The following GTF2IRD1 variants were observed in gnomAD, a reference collection of about 807,000 sequenced individuals.
GTF2IRD1 encodes the protein general transcription factor II-I repeat domain-containing protein 1.
Under a neutral mutation model 113.2 loss-of-function variants are expected in GTF2IRD1, and 26 were observed. The observed-to-expected ratio is 0.23, with a 90% CI of 0.17 to 0.32. The LOEUF (loss-of-function observed/expected upper bound fraction) is 0.32. GTF2IRD1 is among the 10% of genes least tolerant of loss of function. GTF2IRD1 has a pLI of 1.00. For missense variants in GTF2IRD1, 864 were observed against 1,280.8 expected (o/e 0.67, Z 4.97); for synonymous variants, 484 against 529.1 (o/e 0.91, Z 1.17).
intron 22 of GTF2IRD1, among the ~76,000 whole-genome samples, chr7:74,583,262 T>C (rs1801523491): frequency 6.6e-6 from 1 of 151,852 alleles, no homozygotes; most frequent in Non-Finnish European, 1.5e-5. Context: ...AATCATGGCT[T>C]ACTGCAACAT....
intron 4 of GTF2IRD1, among the ~76,000 whole-genome samples, chr7:74,517,284 C>G (rs1796991492): frequency 6.6e-6 from 1 of 150,754 alleles, no homozygotes; most frequent in African/African-American, 2.5e-5. Context: ...TCGGTAATCC[C>G]AAAGTGCTGG....
chr7:74,579,634 A>C (rs1554365589), intron 22 of GTF2IRD1, among the ~76,000 whole-genome samples: 1 of 151,934 alleles, frequency 6.6e-6, no homozygotes, highest in Non-Finnish European at 1.5e-5. Context: ...AAAAAAAAAA[A>C]AACTACAGTT....
intron 1 of GTF2IRD1, among the ~76,000 whole-genome samples, chr7:74,498,074 T>A (rs1429528105): frequency 4.6e-5 from 7 of 152,154 alleles, no homozygotes; most frequent in Non-Finnish European, 8.8e-5. Flanking sequence ...TTGCTAATCT[T>A]TAGTGATGTT....
intron 1 of GTF2IRD1, among the ~76,000 whole-genome samples, chr7:74,480,242 G>T (rs1794655475): frequency 6.6e-6 from 1 of 152,030 alleles, no homozygotes; most frequent in African/African-American, 2.4e-5. Flanking sequence ...TGGGCCCTGT[G>T]CGGTGTGGGA....
In GTF2IRD1 at chr7:74,601,132, G is replaced by A. The variant is rs782539085; in HGVS notation, c.2718G>A (p.Ser906=). The part of the protein sequence containing the change: ...VSSSSSSSSS[S]SSNPDSVASA... ...CTTCCTCCTCGTCTTCCTCTTCCTC[G>A]TCCTCTAACCCGGATTCAGTGGCAT... Residue 906 remains serine (S), a synonymous_variant, in exon 26 of 27, where the codon TCG becomes TCA. Coordinates refer to ENST00000424337, the MANE Select transcript of GTF2IRD1 (RefSeq NM_005685.4). The A allele has an allele frequency of 2.0e-5, 32 of 1,611,752 alleles. No individual in the cohort carries two copies. The highest frequency in any genetic ancestry group is 8.8e-5 in the South Asian group (8 of 90,762).
intron 1 of GTF2IRD1, among the ~76,000 whole-genome samples, chr7:74,479,172 C>T (rs1163893008): frequency 6.6e-6 from 1 of 152,198 alleles, no homozygotes; most frequent in Non-Finnish European, 1.5e-5. Flanking sequence ...ACAGTTCCTC[C>T]GCCGTAGCTT....
chr7:74,594,524 A>C (rs1423126513), intron 24 of GTF2IRD1, among the ~76,000 whole-genome samples: 1 of 152,210 alleles, frequency 6.6e-6, no homozygotes, highest in Non-Finnish European at 1.5e-5. Context: ...GCACAGGCCC[A>C]TCATCCAGGG....
chr7:74,531,993 T>A (rs1229170885), intron 9 of GTF2IRD1, among the ~76,000 whole-genome samples: 1 of 152,174 alleles, frequency 6.6e-6, no homozygotes, highest in Non-Finnish European at 1.5e-5. Context: ...ATATTGGTTC[T>A]AGCTAAGCCA....
intron 25 of GTF2IRD1, among the ~76,000 whole-genome samples, chr7:74,597,254 G>A (rs1802472780): frequency 6.6e-6 from 1 of 151,874 alleles, no homozygotes; most frequent in East Asian, 1.9e-4. Flanking sequence ...ATATTGGCCA[G>A]GCTGGTCTCG....
At chr7:74,515,314 T>C (rs1554344308) in intron 3 of GTF2IRD1, 127 bp from the exon 4 acceptor site, 1 of 1,518,882 alleles carries the variant, frequency 6.6e-7, no homozygotes. Context: ...CTTCATTCAT[T>C]CATTCACTTG....
intron 3 of GTF2IRD1, among the ~76,000 whole-genome samples, chr7:74,514,448 A>G (rs1796807760): frequency 6.6e-6 from 1 of 152,176 alleles, no homozygotes; most frequent in South Asian, 2.1e-4. Flanking sequence ...TTCTAGAGCC[A>G]CGCAGAGCCG....
At chr7:74,554,441 G>A (rs587678597) in intron 17 of GTF2IRD1, among the ~76,000 whole-genome samples, 11 of 152,274 alleles carry the variant, frequency 7.2e-5, no homozygotes, top group Non-Finnish European at 1.0e-4. Flanking sequence ...TGGTGCTTCC[G>A]ACTGCAGTAA....
Position 74,558,881 on chromosome 7 carries a change from T to G in GTF2IRD1, c.2128T>G (p.Tyr710Asp). Reference sequence around the variant, plus strand: ...CACAGGGGAAGCCTTGGGCATCAAGTACCCGGTCCAGGTCCCCTACAAGCG... The same window carrying G: ...CACAGGGGAAGCCTTGGGCATCAAGGACCCGGTCCAGGTCCCCTACAAGCG... ...KKYGEALGIK[Y>D]PVQVPYKRIK... The change falls in exon 21 of 27, where the codon TAC becomes GAC. Residue 710 changes from tyrosine to aspartate, a missense_variant. Tyr to Asp is a radical substitution (Grantham distance 160). Transcript: ENST00000424337. 1 of 1,613,334 alleles carries G rather than the reference T, an allele frequency of 6.2e-7. No individual in the cohort carries two copies. The highest frequency in any genetic ancestry group is 8.5e-7 in the Non-Finnish European group (1 of 1,179,598).
At chr7:74,541,951 A>G (rs1212866943) in intron 14 of GTF2IRD1, among the ~76,000 whole-genome samples, 1 of 144,802 alleles carries the variant, frequency 6.9e-6, no homozygotes, top group Non-Finnish European at 1.6e-5. Context: ...TAAAAATTAG[A>G]CAGGAACGGT....
intron 1 of GTF2IRD1, among the ~76,000 whole-genome samples, chr7:74,483,570 C>T (rs1354796029): frequency 6.6e-6 from 1 of 151,964 alleles, no homozygotes; most frequent in Non-Finnish European, 1.5e-5. Flanking sequence ...AAAAATCAGG[C>T]ATGGCAGCAT....
intron 22 of GTF2IRD1, among the ~76,000 whole-genome samples, chr7:74,570,085 G>A (rs114415881): frequency 0.01 from 1,534 of 152,208 alleles, 25 homozygotes; most frequent in African/African-American, 0.034. Context: ...CAGCAGGGCC[G>A]GGCGCGGTGG....
At chr7:74,563,090 C>T (rs1434299064) in intron 22 of GTF2IRD1, among the ~76,000 whole-genome samples, 3 of 152,018 alleles carry the variant, frequency 2.0e-5, no homozygotes, top group African/African-American at 7.2e-5. Flanking sequence ...CTGTGAGGCC[C>T]ACTCAGTAGA....
intron 1 of GTF2IRD1, among the ~76,000 whole-genome samples, chr7:74,490,711 T>C (rs1485425468): frequency 3.9e-5 from 6 of 152,066 alleles, no homozygotes; most frequent in African/African-American, 1.4e-4. Context: ...TTTTTTTTTT[T>C]CTCCATCAGC....
At chr7:74,592,498 G>A (rs117038682) in intron 24 of GTF2IRD1, among the ~76,000 whole-genome samples, 6,143 of 151,166 alleles carry the variant, frequency 0.041, 188 homozygotes, top group Non-Finnish European at 0.056. Flanking sequence ...GGATTATGGG[G>A]GTCAGCCACC....
Sources: gnomAD v4.1 joint callset for allele counts (sites outside exome capture counted in the v4.1 genomes callset) on GRCh38, gnomAD v4.1.1 for gene constraint, MANE v1.5 for transcripts, NCBI Gene and HGNC (gene_info 2026-07-23, HGNC 2026-07-21) for gene names.